PIWIL3: variants seen among roughly 807,000 people sequenced by gnomAD.
The protein encoded by PIWIL3 is piwi-like protein 3.
PIWIL3 carries 101 observed loss-of-function variants against 109.7 expected under a neutral mutation model. The observed-to-expected ratio is 0.92, with a 90% CI of 0.78 to 1.09. The LOEUF is 1.09. Ranked by LOEUF, PIWIL3 falls within the 50% of genes least tolerant of loss-of-function variation. PIWIL3 has a pLI of 0.00. For synonymous variants in PIWIL3, 373 were observed against 376.4 expected (o/e 0.99, Z 0.10); for missense variants, 1,031 against 1,072.6 (o/e 0.96, Z 0.54).
intron 3 of PIWIL3, among the ~76,000 whole-genome samples, chr22:24,759,498 G>A (rs1040841014): frequency 1.3e-5 from 2 of 152,178 alleles, no homozygotes; most frequent in Non-Finnish European, 2.9e-5. Flanking sequence ...CTGTCAGCCT[G>A]CAATGTAGGT....
chr22:24,749,759 T>C lies in PIWIL3; in HGVS notation c.1150A>G (p.Lys384Glu). 1.2e-6 allele frequency: 2 copies of C among 1,613,924 alleles called. No homozygotes were observed. Among genetic ancestry groups the C allele is most frequent in the Non-Finnish European group, 1.7e-6 (2 of 1,179,994 alleles). Residue 384 changes from lysine to glutamate, a missense_variant, in exon 10 of 21, where the codon AAA becomes GAA. Transcript: ENST00000616349. ...QPLLVSQGRW[K>E]KGLTGTQREP... ...CGTTGTGTACCCGTTAGGCCCTTTT[T>C]CCATCTGCCCTGGCTGACCAAAAGT...
intron 1 of PIWIL3, among the ~76,000 whole-genome samples, chr22:24,764,474 A>T (rs995421364): frequency 6.6e-6 from 1 of 152,200 alleles, no homozygotes; most frequent in Non-Finnish European, 1.5e-5. Flanking sequence ...ACCCTTACTC[A>T]TCTGGTAAGC....
intron 14 of PIWIL3, among the ~76,000 whole-genome samples, chr22:24,729,640 A>G (rs868422576): frequency 1.3e-5 from 2 of 152,246 alleles, no homozygotes; most frequent in Admixed American, 6.5e-5. Flanking sequence ...AGTTATTTTT[A>G]ACACGATGAT....
intron 1 of PIWIL3, 68 bp downstream of exon 1, chr22:24,774,254 G>C (rs1035852084): frequency 6.6e-6 from 1 of 151,686 alleles, no homozygotes; most frequent in Non-Finnish European, 1.5e-5. Context: ...TTCTTTTCCT[G>C]TTCTATGCCC....
intron 8 of PIWIL3, among the ~76,000 whole-genome samples, chr22:24,752,579 T>C (rs1924775776): frequency 6.6e-6 from 1 of 152,054 alleles, no homozygotes; most frequent in African/African-American, 2.4e-5. Flanking sequence ...CCCCTCCCCC[T>C]GCAAGGGGGC....
Position 24,771,181 on chromosome 22 carries a change from G to A in PIWIL3, c.-23+3141C>T, listed in dbSNP as rs185472767. ...TAACATTTAAAGAAAGTTACTTTCC[G>A]GCCGGGCGCGGTGGCTGATGCCTGT... On this transcript the variant is annotated intron_variant, in intron 1 of 20. Transcript: ENST00000616349. Among the ~76,000 whole-genome samples, 308 of 151,942 alleles carry A rather than the reference G, an allele frequency of 2.0e-3. 2 individuals are homozygous for A. The highest frequency in any genetic ancestry group is 6.9e-3 in the African/African-American group (288 of 41,456).
intron 18 of PIWIL3, 127 bp from the exon 19 acceptor site, chr22:24,723,382 C>T: frequency 1.1e-6 from 1 of 939,728 alleles, no homozygotes; most frequent in South Asian, 1.7e-5. Flanking sequence ...CTCCTTACAC[C>T]CTAATTTTAC....
At chr22:24,766,156 T>C (rs1925774705) in intron 1 of PIWIL3, among the ~76,000 whole-genome samples, 2 of 152,010 alleles carry the variant, frequency 1.3e-5, no homozygotes, top group South Asian at 4.1e-4. Flanking sequence ...GGCTAATTTT[T>C]TAGTATTTTT....
In PIWIL3 at chr22:24,754,779, C is replaced by T. The variant is rs1924923220; in HGVS notation, c.773+5G>A. The T allele has an allele frequency of 1.9e-6, 3 of 1,593,796 alleles. No individual in the cohort carries two copies. Among genetic ancestry groups the T allele is most frequent in the Non-Finnish European group, 1.7e-6 (2 of 1,161,778 alleles). ...AGAGTGTGAAATTTTCTACTTTATA[C>T]AAACCCATGACGGTATAACTGAATG... On this transcript the variant is annotated splice_donor_5th_base_variant and intron_variant, in intron 7 of 20. Coordinates refer to ENST00000616349, the MANE Select transcript of PIWIL3 (RefSeq NM_001255975.1).
rs193010006 is a variant in PIWIL3 at position 24,758,828 on chromosome 22, C to T, written c.224-789G>A. Among the ~76,000 whole-genome samples the T allele has an allele frequency of 3.2e-3, 477 of 148,672 alleles. 3 individuals carry two copies. The highest frequency in any genetic ancestry group is 0.011 in the African/African-American group (437 of 38,056). On this transcript the variant is annotated intron_variant, in intron 3 of 20. Coordinates refer to ENST00000616349, the MANE Select transcript of PIWIL3 (RefSeq NM_001255975.1). ...TCCTGACACATCCAGCAATCAAATT[C>T]ATCATATTAAAATGTCAGCAAAAGA...
At chr22:24,766,742 C>T (rs1042807508) in intron 1 of PIWIL3, among the ~76,000 whole-genome samples, 5 of 152,138 alleles carry the variant, frequency 3.3e-5, no homozygotes, top group Non-Finnish European at 5.9e-5. Flanking sequence ...TTATCTGGCA[C>T]GGTTTCTTAA....
At chr22:24,768,099 A>G (rs1925900522) in intron 1 of PIWIL3, among the ~76,000 whole-genome samples, 2 of 152,156 alleles carry the variant, frequency 1.3e-5, no homozygotes, top group African/African-American at 2.4e-5. Flanking sequence ...GCTGTTTCCA[A>G]TGGCTGATGG....
chr22:24,720,892 A>G (rs760809212), intron 19 of PIWIL3, among the ~76,000 whole-genome samples: 2 of 152,228 alleles, frequency 1.3e-5, no homozygotes, highest in Non-Finnish European at 2.9e-5. Flanking sequence ...ATCTTAGTGT[A>G]TACTTTGACC....
At chr22:24,750,138 CTTTAAAA>C (rs1200241151) in intron 9 of PIWIL3, among the ~76,000 whole-genome samples, 1 of 152,096 alleles carries the variant, frequency 6.6e-6, no homozygotes, top group African/African-American at 2.4e-5. Context: ...ACAGTCTTGC[CTTTAAAA>C]CTCCCAAAGC....
In PIWIL3 at chr22:24,749,814, ATGT is replaced by A; in HGVS notation, c.1092_1094del (p.Gln364del). The A allele has an allele frequency of 2.5e-6, 4 of 1,613,274 alleles. No individual in the cohort carries two copies. Among genetic ancestry groups the A allele is most frequent in the Non-Finnish European group, 3.4e-6 (4 of 1,179,690 alleles). On this transcript the variant is annotated inframe_deletion and splice_region_variant, in exon 10 of 21. Transcript: ENST00000616349. Reference sequence around the variant, plus strand: ...GTTTCTTCACTGTGACAATTTCTTTATGTTGCTGCTCAACAAACAAGAGACCAG... The same window carrying A: ...GTTTCTTCACTGTGACAATTTCTTTATGCTGCTCAACAAACAAGAGACCAG...
intron 6 of PIWIL3, 104 bp downstream of exon 6, chr22:24,755,680 A>T: frequency 1.4e-6 from 2 of 1,425,090 alleles, no homozygotes; most frequent in Non-Finnish European, 1.9e-6. Context: ...ATACATGAGG[A>T]CTAGGAAGAA....
chr22:24,771,719 A>G (rs1241739463), intron 1 of PIWIL3, among the ~76,000 whole-genome samples: 1 of 149,442 alleles, frequency 6.7e-6, no homozygotes, highest in Non-Finnish European at 1.5e-5. Context: ...AGGATTGAAG[A>G]CTATTTCTCT....
rs140531011 is a variant in PIWIL3, at chr22:24,764,625, C to CGTGTGTGTGTGTGTGTGTGTGTGT, written c.-22-2128_-22-2105dup. Among the ~76,000 whole-genome samples the CGTGTGTGTGTGTGTGTGTGTGTGT allele has an allele frequency of 3.8e-3, 507 of 134,662 alleles. 8 individuals are homozygous for CGTGTGTGTGTGTGTGTGTGTGTGT. Among genetic ancestry groups the CGTGTGTGTGTGTGTGTGTGTGTGT allele is most frequent in the African/African-American group, 5.4e-3 (185 of 34,504 alleles). The allele number at this position is 134,662 out of a possible 152,430, so 88.3% of individuals were successfully genotyped here. On this transcript the variant is annotated intron_variant, in intron 1 of 20. Transcript: ENST00000616349. ...TTTCTGTCATTCTTTTTGACCTTGC[C>CGTGTGTGTGTGTGTGTGTGTGTGT]GTGTGTGTGTGTGTGTGTGTGTGTG...
chr22:24,753,251 T>C (rs983490923), intron 8 of PIWIL3, among the ~76,000 whole-genome samples: 1 of 152,218 alleles, frequency 6.6e-6, no homozygotes, highest in East Asian at 1.9e-4. Context: ...CAGTCCTATA[T>C]TTTCTAAGAA....
Sources: allele counts gnomAD v4.1 joint callset (sites outside exome capture counted in the v4.1 genomes callset), GRCh38; gene constraint gnomAD v4.1.1; transcripts MANE v1.5; gene names NCBI Gene and HGNC (gene_info 2026-07-23, HGNC 2026-07-21).